The following SESN3 variants were observed in gnomAD, a reference collection of about 807,000 sequenced individuals.
The protein encoded by SESN3 is sestrin-3.
Under a neutral mutation model 55.3 loss-of-function variants are expected in SESN3, and 21 were observed. The observed-to-expected ratio is 0.38, with a 90% CI of 0.27 to 0.55. The LOEUF is 0.55. Ranked by LOEUF, SESN3 falls within the 20% of genes least tolerant of loss-of-function variation. SESN3 has a pLI of 0.76. For missense variants in SESN3, 408 were observed against 604.3 expected, an observed-to-expected ratio of 0.68 and a Z score of 3.41; for synonymous variants, 181 against 203.1, an observed-to-expected ratio of 0.89 and a Z score of 0.93.
At chr11:95,229,864 T>C (rs1861018720) in intron 1 of SESN3, among the ~76,000 whole-genome samples, 1 of 152,168 alleles carries the variant, frequency 6.6e-6, no homozygotes, top group African/African-American at 2.4e-5. Flanking sequence ...AATGTAAAAA[T>C]AGAGTTTGAA....
chr11:95,216,055 G>A (rs550943949), intron 1 of SESN3, among the ~76,000 whole-genome samples: 12 of 139,114 alleles, frequency 8.6e-5, no homozygotes, highest in African/African-American at 2.4e-4. Flanking sequence ...CCGAGATCCC[G>A]CCACTGCACT....
chr11:95,171,392 A>C lies in SESN3; in HGVS notation c.*1863T>G, dbSNP rs1859846556. On this transcript the variant is annotated 3_prime_UTR_variant, in exon 10 of 10. Transcript: ENST00000536441. ...AAAATATTAGTAATTTTTTCCTCAC[A>C]TGGAAGATTTCAAACAGGATCCTGG... is the stretch of plus-strand genomic sequence containing the variant. 2 of 152,152 alleles carry C rather than the reference A, an allele frequency of 1.3e-5. No individual in the cohort carries two copies. The allele number at this position is 152,152 out of a possible 1,614,324, so 9.4% of individuals were successfully genotyped here.
At chr11:95,217,775 C>T (rs192467100) in intron 1 of SESN3, among the ~76,000 whole-genome samples, 2 of 152,132 alleles carry the variant, frequency 1.3e-5, no homozygotes, top group Admixed American at 6.5e-5. Context: ...ATCATTAGAT[C>T]CCAACCATGG....
chr11:95,231,587 GATAA>G (rs796488873), upstream of SESN3: 1 of 154,848 alleles, frequency 6.5e-6, no homozygotes, highest in African/African-American at 2.4e-5. Flanking sequence ...AGGAGAATGA[GATAA>G]ATAGTTGGGA....
At chr11:95,213,682 G>C (rs956057480) in intron 1 of SESN3, among the ~76,000 whole-genome samples, 1 of 152,094 alleles carries the variant, frequency 6.6e-6, no homozygotes, top group Non-Finnish European at 1.5e-5. Context: ...ATTGCTTCCA[G>C]TGTTCCATGA....
At chr11:95,180,239 T>G (rs900140455) in intron 6 of SESN3, among the ~76,000 whole-genome samples, 1 of 152,196 alleles carries the variant, frequency 6.6e-6, no homozygotes, top group South Asian at 2.1e-4. Flanking sequence ...CTATAATTCT[T>G]AACTGAAAAT....
At position 95,171,812 on chromosome 11, in the gene SESN3, G is replaced by C. The variant is rs970585974; in HGVS notation, c.*1443C>G. The C allele has an allele frequency of 2.6e-5, 4 of 152,142 alleles. No individual in the cohort carries two copies. The highest frequency in any genetic ancestry group is 9.7e-5 in the African/African-American group (4 of 41,448). 9.4% of individuals were successfully genotyped at this position (152,142 alleles called of 1,614,324 possible). A position where few individuals can be genotyped will look rare whatever the true frequency, so the allele number is the denominator to read the frequency against. On this transcript the variant is annotated 3_prime_UTR_variant, in exon 10 of 10. Coordinates refer to ENST00000536441, the MANE Select transcript of SESN3 (RefSeq NM_144665.4). ...TAAGCATCTCTTTAGGCACTTCACT[G>C]GTTCATTGACATAATACAAATTAAA...
In SESN3 at chr11:95,168,705, G is replaced by A. The variant is rs1859795592; in HGVS notation, c.*4550C>T. 6.6e-6 allele frequency: 1 copy of A among 152,262 alleles called. No homozygotes were observed. Among genetic ancestry groups the A allele is most frequent in the African/African-American group, 2.4e-5 (1 of 41,446 alleles). The allele number at this position is 152,262 out of a possible 1,614,324, so 9.4% of individuals were successfully genotyped here. A position where few individuals can be genotyped will look rare whatever the true frequency, so the allele number is the denominator to read the frequency against. On this transcript the variant is annotated 3_prime_UTR_variant, in exon 10 of 10. Coordinates refer to ENST00000536441, the MANE Select transcript of SESN3 (RefSeq NM_144665.4). ...TATAGCTGGATGGTTGAGGGATTTA[G>A]AAGGAGTTGGGATGAATCCATAGTC...
chr11:95,188,526 C>A (rs1328864794), intron 4 of SESN3, among the ~76,000 whole-genome samples: 2 of 151,688 alleles, frequency 1.3e-5, no homozygotes, highest in Non-Finnish European at 3.0e-5. Flanking sequence ...TCAATTCTTC[C>A]CAGTTCCCAC....
At position 95,177,746 on chromosome 11, in the gene SESN3, T is replaced by C. The variant is rs755803450; in HGVS notation, c.1220A>G (p.Asn407Ser). 3.1e-6 allele frequency: 5 copies of C among 1,610,980 alleles called. No individual in the cohort carries two copies. The highest frequency in any genetic ancestry group is 1.7e-5 in the Admixed American group (1 of 59,336). Residue 407 changes from asparagine to serine, a missense_variant, in exon 8 of 10, where the codon AAC (asparagine) becomes AGC (serine). This residue lies in a region of SESN3 where 121 missense variants were observed against 204.9 expected (regional missense o/e 0.59). Coordinates refer to ENST00000536441, the MANE Select transcript of SESN3 (RefSeq NM_144665.4). ...GATTCCAAACATACAGTGAACATAGTTAAATAAAGCTCTGCGCAGCATGGT... is the reference window on the plus strand; with the variant it reads ...GATTCCAAACATACAGTGAACATAGCTAAATAAAGCTCTGCGCAGCATGGT... ...DTTMLRRALF[N>S]YVHCMFGIRY...
At chr11:95,183,596 C>T (rs192595794) in intron 6 of SESN3, among the ~76,000 whole-genome samples, 2 of 150,778 alleles carry the variant, frequency 1.3e-5, no homozygotes, top group African/African-American at 2.4e-5. Flanking sequence ...ACAAGAGAAC[C>T]GCTTGAACCT....
chr11:95,188,216 A>C (rs193246413), intron 4 of SESN3, among the ~76,000 whole-genome samples: 1 of 151,752 alleles, frequency 6.6e-6, no homozygotes, highest in South Asian at 2.1e-4. Context: ...AAATGTAACA[A>C]TTGGGAAAGG....
chr11:95,181,041 C>T (rs1396424550), intron 6 of SESN3, among the ~76,000 whole-genome samples: 2 of 152,014 alleles, frequency 1.3e-5, no homozygotes, highest in Admixed American at 6.5e-5. Context: ...TTATGGTTTG[C>T]AAAGTAAAAT....
chr11:95,227,789 G>A (rs1380242261), intron 1 of SESN3, among the ~76,000 whole-genome samples: 2 of 152,064 alleles, frequency 1.3e-5, no homozygotes, highest in Non-Finnish European at 2.9e-5. Flanking sequence ...CTTCCTCAAT[G>A]CAGTTTGACA....
At chr11:95,203,750 C>T (rs942057524) in intron 1 of SESN3, 4 of 152,144 alleles carry the variant, frequency 2.6e-5, no homozygotes, top group African/African-American at 4.8e-5. Flanking sequence ...AGTTCACAAA[C>T]GTCTTGATGT....
intron 1 of SESN3, among the ~76,000 whole-genome samples, chr11:95,195,365 C>A (rs573452539): frequency 2.0e-4 from 31 of 152,166 alleles, no homozygotes; most frequent in African/African-American, 6.0e-4. Context: ...ATGAATATAA[C>A]ATCCCTTAGT....
intron 2 of SESN3, among the ~76,000 whole-genome samples, 192 bp downstream of exon 2, chr11:95,193,262 CTTT>C (rs1435037688): frequency 1.3e-5 from 2 of 152,110 alleles, no homozygotes; most frequent in South Asian, 2.1e-4. Context: ...CTAGTCCCTT[CTTT>C]TAAGACAATA....
Position 95,227,330 on chromosome 11 carries a change from T to C in SESN3, c.78+3453A>G, listed in dbSNP as rs535379426. On this transcript the variant is annotated intron_variant, in intron 1 of 9. Coordinates refer to ENST00000536441, the MANE Select transcript of SESN3 (RefSeq NM_144665.4). Reference sequence around the variant, plus strand: ...AAGTGATTCTCCTGCCTCAGCCTCCTGAGTAACTGGGACTACAGGCACACG... The same window carrying C: ...AAGTGATTCTCCTGCCTCAGCCTCCCGAGTAACTGGGACTACAGGCACACG... 7.2e-5 allele frequency among the ~76,000 whole-genome samples: 11 copies of C among 152,196 alleles called. No homozygotes were observed. The South Asian group carries it at 2.3e-3, about 32-fold the overall frequency.
intron 1 of SESN3, among the ~76,000 whole-genome samples, chr11:95,216,824 C>T (rs549833903): frequency 2.0e-5 from 3 of 151,684 alleles, no homozygotes; most frequent in African/African-American, 4.8e-5. Flanking sequence ...GAGTAAAATA[C>T]TGGCCAGGCA....
Sources: allele counts gnomAD v4.1 joint callset (sites outside exome capture counted in the v4.1 genomes callset), GRCh38; gene constraint gnomAD v4.1.1; regional missense constraint gnomAD v4.1.1; transcripts MANE v1.5; gene names NCBI Gene and HGNC (gene_info 2026-07-23, HGNC 2026-07-21).